Variants in NR2C2 observed in about 807,000 individuals in gnomAD.
NR2C2 encodes nuclear receptor subfamily 2 group C member 2.
Under a neutral mutation model 62.9 loss-of-function variants are expected in NR2C2, and 6 were observed. The ratio of observed to expected loss-of-function variants is 0.10; its 90% confidence interval spans 0.05 to 0.19. The LOEUF (loss-of-function observed/expected upper bound fraction) is 0.19, where lower values mean the gene tolerates loss of function less well. NR2C2 is among the 10% of genes least tolerant of loss of function. The probability of loss-of-function intolerance (pLI) is 1.00; values close to 1 mark genes in which losing one functional copy is unlikely to be tolerated. For missense variants in NR2C2, 479 were observed against 762.7 expected (o/e 0.63, Z 4.38); for synonymous variants, 272 against 273.8 (o/e 0.99, Z 0.07).
At chr3:15,031,461 G>A (rs1272100633) in intron 9 of NR2C2, among the ~76,000 whole-genome samples, 2 of 151,840 alleles carry the variant, frequency 1.3e-5, no homozygotes. Context: ...TTGAACTCCT[G>A]GGCTCAGGTG....
intron 3 of NR2C2, among the ~76,000 whole-genome samples, chr3:15,015,690 G>A (rs1237979196): frequency 2.6e-5 from 4 of 152,158 alleles, no homozygotes; most frequent in Non-Finnish European, 5.9e-5. Context: ...AGCCATTCTG[G>A]GTGTCAGATT....
chr3:14,977,986 C>T (rs1021892917), intron 1 of NR2C2, among the ~76,000 whole-genome samples: 8 of 150,300 alleles, frequency 5.3e-5, no homozygotes, highest in African/African-American at 2.0e-4. Context: ...GAAGAACAGA[C>T]TTCAGCTCAG....
At chr3:14,976,179 G>C (rs567502665) in intron 1 of NR2C2, among the ~76,000 whole-genome samples, 1 of 152,112 alleles carries the variant, frequency 6.6e-6, no homozygotes, top group African/African-American at 2.4e-5. Context: ...ATTGTTCATA[G>C]TACTAGTTTA....
At position 15,028,718 on chromosome 3, in the gene NR2C2, C is replaced by A; in HGVS notation, c.931C>A (p.Arg311=). The A allele has an allele frequency of 1.2e-6, 2 of 1,613,614 alleles. No individual in the cohort carries two copies. Among genetic ancestry groups the A allele is most frequent in the Non-Finnish European group, 1.7e-6 (2 of 1,179,582 alleles). Residue 311 remains arginine (R), a splice_region_variant and synonymous_variant, in exon 8 of 14, where the codon CGG becomes AGG. Transcript: ENST00000425241. ...PEDQSASEIT[R]AFDTLAKALN... is the part of the protein sequence containing the mutation. ...GGACCAGTCTGCAAGTGAGATAACT[C>A]GGTACGAGCCCATGAGGATGGAGTC...
intron 1 of NR2C2, among the ~76,000 whole-genome samples, chr3:14,990,056 T>C (rs1301316384): frequency 6.6e-6 from 1 of 151,962 alleles, no homozygotes; most frequent in East Asian, 1.9e-4. Context: ...TGAGCCATGA[T>C]TGCACCACTG....
chr3:14,994,730 C>T (rs1378801547), intron 1 of NR2C2, among the ~76,000 whole-genome samples: 28 of 147,520 alleles, frequency 1.9e-4, no homozygotes, highest in African/African-American at 7.0e-4. Flanking sequence ...TGTGAGCTGC[C>T]ACACCCAACC....
At chr3:14,951,848 C>T (rs867062666) in intron 1 of NR2C2, among the ~76,000 whole-genome samples, 2 of 151,958 alleles carry the variant, frequency 1.3e-5, no homozygotes, top group Non-Finnish European at 2.9e-5. Context: ...CCTGGGTTCA[C>T]GCCATTCTTC....
chr3:15,002,947 C>T (rs57729299), intron 1 of NR2C2, among the ~76,000 whole-genome samples: 6,132 of 149,152 alleles, frequency 0.041, 434 homozygotes, highest in African/African-American at 0.14. Context: ...CGTGAGCTAC[C>T]GCCGCCGACC....
chr3:15,038,941 G>A (rs1207304957), intron 12 of NR2C2, 181 bp from the exon 13 acceptor site: 2 of 596,292 alleles, frequency 3.4e-6, no homozygotes, highest in Admixed American at 5.8e-5. Flanking sequence ...GGAACTTCAG[G>A]CCTGGGCAGA....
chr3:14,956,771 C>G (rs2039538195), intron 1 of NR2C2, among the ~76,000 whole-genome samples: 1 of 152,194 alleles, frequency 6.6e-6, no homozygotes, highest in African/African-American at 2.4e-5. Flanking sequence ...GAACTCCTGA[C>G]CTCAGGTGAT....
intron 10 of NR2C2, among the ~76,000 whole-genome samples, chr3:15,034,029 A>G (rs2042045031): frequency 6.6e-6 from 1 of 152,204 alleles, no homozygotes; most frequent in African/African-American, 2.4e-5. Flanking sequence ...AAGACAGCCC[A>G]GTTTCTCCGG....
At chr3:14,969,102 A>G (rs1054878645) in intron 1 of NR2C2, among the ~76,000 whole-genome samples, 41 of 151,668 alleles carry the variant, frequency 2.7e-4, no homozygotes, top group Non-Finnish European at 4.7e-4. Flanking sequence ...TAACCTGCAC[A>G]TTGTGCACAT....
chr3:14,974,213 A>C (rs1189317106), intron 1 of NR2C2, among the ~76,000 whole-genome samples: 1 of 152,178 alleles, frequency 6.6e-6, no homozygotes, highest in Non-Finnish European at 1.5e-5. Flanking sequence ...TATTTCACTT[A>C]GCATAATATC....
chr3:15,032,884 A>G (rs1223242554), intron 10 of NR2C2, among the ~76,000 whole-genome samples: 1 of 152,198 alleles, frequency 6.6e-6, no homozygotes, highest in Admixed American at 6.5e-5. Flanking sequence ...TTCCTCAAAC[A>G]TGGATTTACA....
intron 13 of NR2C2, 75 bp from the exon 14 acceptor site, chr3:15,042,758 AC>A (rs1364654779): frequency 9.4e-5 from 129 of 1,369,274 alleles, no homozygotes; most frequent in Middle Eastern, 2.1e-4. Flanking sequence ...TACAGACGGG[AC>A]CCCAGGAGCC....
chr3:15,035,444 T>C (rs554742686), intron 11 of NR2C2, among the ~76,000 whole-genome samples: 6 of 152,382 alleles, frequency 3.9e-5, no homozygotes, highest in African/African-American at 1.4e-4. Flanking sequence ...ACAGCTGATA[T>C]TTTCATCTTC....
chr3:15,029,235 A>G (rs1466893995), intron 8 of NR2C2, among the ~76,000 whole-genome samples: 1 of 149,284 alleles, frequency 6.7e-6, no homozygotes. Flanking sequence ...GTGCGCCACC[A>G]CCCCCACCCA....
intron 4 of NR2C2, 133 bp from the exon 5 acceptor site, chr3:15,020,620 G>A (rs1291430505): frequency 2.2e-6 from 2 of 890,298 alleles, no homozygotes; most frequent in Non-Finnish European, 3.5e-6. Context: ...CTCAGGCCAC[G>A]TGGCTGTTGG....
intron 1 of NR2C2, among the ~76,000 whole-genome samples, chr3:14,984,713 C>T (rs1301347387): frequency 6.6e-6 from 1 of 152,142 alleles, no homozygotes; most frequent in East Asian, 1.9e-4. Flanking sequence ...GGGTTACTTC[C>T]AGTTTTTGAC....
Sources: gnomAD v4.1 joint callset for allele counts (sites outside exome capture counted in the v4.1 genomes callset) on GRCh38, gnomAD v4.1.1 for gene constraint, MANE v1.5 for transcripts, NCBI Gene and HGNC (gene_info 2026-07-23, HGNC 2026-07-21) for gene names.